Variants in BRF1 observed in about 807,000 individuals in gnomAD.
BRF1 encodes BRF1 general transcription factor IIIB subunit, also known as transcription factor IIIB 90 kDa subunit.
BRF1 carries 59 observed loss-of-function variants against 81.7 expected under a neutral mutation model. The observed-to-expected ratio is 0.72, with a 90% CI of 0.59 to 0.90. BRF1 has a LOEUF of 0.90. Among genes scored for constraint, BRF1 ranks in the 40% least tolerant of loss-of-function variants. BRF1 has a pLI of 0.00. For missense variants in BRF1, 1,050 were observed against 936.3 expected (o/e 1.12, Z -1.58); for synonymous variants, 491 against 395.6 (o/e 1.24, Z -2.86).
intron 15 of BRF1, among the ~76,000 whole-genome samples, chr14:105,216,787 G>A (rs1256993232): frequency 6.6e-6 from 1 of 152,246 alleles, no homozygotes; most frequent in East Asian, 1.9e-4. Flanking sequence ...AGAAGCAGTA[G>A]GACCAGCAGA....
chr14:105,293,053 C>G (rs765556507), intron 1 of BRF1, among the ~76,000 whole-genome samples: 1 of 152,226 alleles, frequency 6.6e-6, no homozygotes, highest in Non-Finnish European at 1.5e-5. Context: ...TTCCTAAGAG[C>G]AGGCACCTTC....
chr14:105,247,230 T>G, intron 5 of BRF1: 1 of 985,408 alleles, frequency 1.0e-6, no homozygotes, highest in Non-Finnish European at 1.2e-6. Flanking sequence ...CTTTCCGGAC[T>G]CTCATGCATA....
rs761579407 is a variant in BRF1, at chr14:105,286,398, G to C, written c.185-22C>G. 14 of 1,606,148 alleles carry C rather than the reference G, an allele frequency of 8.7e-6. No homozygotes were observed. In the Admixed American group the frequency reaches 2.2e-4, roughly 25 times the overall value. On this transcript the variant is annotated intron_variant, in intron 1 of 17. Coordinates refer to ENST00000547530, the MANE Select transcript of BRF1 (RefSeq NM_001519.4). ...GCACCTGGAAACACAAAAAAAGACA[G>C]ATCAGCCAAAACTTGGAGATCTGCA...
At chr14:105,260,906 G>A (rs2140343582) in intron 3 of BRF1, among the ~76,000 whole-genome samples, 1 of 152,298 alleles carries the variant, frequency 6.6e-6, no homozygotes, top group East Asian at 1.9e-4. Flanking sequence ...GCCAATCCCG[G>A]GAGGGCCTAC....
chr14:105,283,698 CTT>C (rs1745241758), intron 2 of BRF1, among the ~76,000 whole-genome samples: 1 of 152,250 alleles, frequency 6.6e-6, no homozygotes, highest in Admixed American at 6.5e-5. Flanking sequence ...CGACACTACT[CTT>C]TGCAATTTGT....
chr14:105,264,192 T>C (rs1157694183), intron 3 of BRF1, among the ~76,000 whole-genome samples: 3 of 151,530 alleles, frequency 2.0e-5, no homozygotes, highest in Non-Finnish European at 4.4e-5. Context: ...ATAAAAGGAG[T>C]CTTAGTGATG....
chr14:105,301,627 C>T (rs1595506469), upstream of BRF1, among the ~76,000 whole-genome samples: 1 of 152,370 alleles, frequency 6.6e-6, no homozygotes, highest in South Asian at 2.1e-4. Context: ...CGCCCAGGTT[C>T]CAGAGCCTCC....
rs587746480 is a variant in BRF1 at position 105,257,910 on chromosome 14, G to A, written c.440-1361C>T. ...GGGAAAGGCAGGGTGGGTGGGCCGA[G>A]AGGAGGGTTCCAGGACGCTGCAGCT... On this transcript the variant is annotated intron_variant, in intron 3 of 17. Transcript: ENST00000547530. Among the ~76,000 whole-genome samples, 27 of 152,274 alleles carry A rather than the reference G, an allele frequency of 1.8e-4. No individual in the cohort carries two copies. The South Asian group carries it at 5.0e-3, about 28-fold the overall frequency.
chr14:105,267,621 C>T (rs587752169), intron 3 of BRF1, among the ~76,000 whole-genome samples: 5 of 152,276 alleles, frequency 3.3e-5, no homozygotes, highest in African/African-American at 1.2e-4. Flanking sequence ...CCTGAAATGC[C>T]AACGTCTTCA....
chr14:105,301,485 C>A (rs1266434511), upstream of BRF1, among the ~76,000 whole-genome samples: 1 of 151,462 alleles, frequency 6.6e-6, no homozygotes, highest in Non-Finnish European at 1.5e-5. Flanking sequence ...GACCTGGGAC[C>A]CAACCCCGGG....
At chr14:105,265,054 G>GTTTTTTTTTTTT (rs587673120) in intron 3 of BRF1, among the ~76,000 whole-genome samples, 4 of 130,110 alleles carry the variant, frequency 3.1e-5, no homozygotes, top group Non-Finnish European at 3.3e-5. Flanking sequence ...CCTTTTTTTT[G>GTTTTTTTTTTTT]TTTTTTTTTT....
At chr14:105,252,071 C>T (rs2055646612) in intron 5 of BRF1, among the ~76,000 whole-genome samples, 1 of 152,110 alleles carries the variant, frequency 6.6e-6, no homozygotes, top group South Asian at 2.1e-4. Flanking sequence ...CAGGTGTGTC[C>T]CTTAAACCTT....
At position 105,210,576 on chromosome 14, in the gene BRF1, T is replaced by C. The variant is rs1475950756; in HGVS notation, c.2009A>G (p.Asp670Gly). The change falls in exon 18 of 18, where the codon GAT becomes GGT. Residue 670 changes from aspartate to glycine, a missense_variant. Asp to Gly is a moderately conservative substitution (Grantham distance 94). Transcript: ENST00000547530. This position sits in a 1 kb window ranked among gnomAD's most constrained non-coding sequence, Gnocchi z 4.7. ...TCAGTAGCCGTCGTCCTCATCGCCA[T>C]CACAGCCATAGTCTGCAGAAGAGCA... ...QMMGSNDYGC[D>G]GDEDDGY The C allele has an allele frequency of 2.5e-6, 4 of 1,611,558 alleles. No homozygotes were observed. Among genetic ancestry groups the C allele is most frequent in the Non-Finnish European group, 3.4e-6 (4 of 1,179,832 alleles).
At chr14:105,214,978 C>T (rs1237388835) in intron 15 of BRF1, among the ~76,000 whole-genome samples, 1 of 152,236 alleles carries the variant, frequency 6.6e-6, no homozygotes, top group Non-Finnish European at 1.5e-5. Context: ...CCCTGCCCCG[C>T]TGGAACTGCC....
rs888092661 is a variant in BRF1 at position 105,315,457 on chromosome 14, C to A, written c.-297G>T. 3.9e-5 allele frequency: 6 copies of A among 152,240 alleles called. No homozygotes were observed. Among genetic ancestry groups the A allele is most frequent in the African/African-American group, 1.2e-4 (5 of 41,466 alleles). 9.4% of individuals were successfully genotyped at this position (152,240 alleles called of 1,614,324 possible). ...CTGTCAGACCTCGGCCTGGGAGCGA[C>A]CCCCGGCGCACGGGGCGCGCAGGAC... is the stretch of plus-strand genomic sequence containing the variant. On this transcript the variant is annotated 5_prime_UTR_variant, in exon 1 of 18. Coordinates refer to the BRF1 transcript ENST00000327359. This position sits in a 1 kb window ranked among gnomAD's most constrained non-coding sequence, Gnocchi z 4.4.
chr14:105,221,913 G>C lies in BRF1; in HGVS notation c.1050C>G (p.Gly350=). The change falls in exon 11 of 18, where the codon GGC becomes GGG. Residue 350 remains glycine (G), a splice_region_variant and synonymous_variant. Transcript: ENST00000547530. ...AGCTGGACGCGGTGTCCTCGGTGGA[G>C]CCTAGGTGTACACAATCCACCTGTT... ...KGGLASLAKD[G]STEDTASSLC... 6.3e-7 allele frequency: 1 copy of C among 1,584,280 alleles called. No homozygotes were observed. The highest frequency in any genetic ancestry group is 8.6e-7 in the Non-Finnish European group (1 of 1,166,598).
In BRF1 at chr14:105,228,959, G is replaced by C. The variant is rs764665677; in HGVS notation, c.695-46C>G. 1.2e-5 allele frequency: 19 copies of C among 1,576,436 alleles called. No homozygotes were observed. In the South Asian group the frequency reaches 1.7e-4, roughly 14 times the overall value. On this transcript the variant is annotated intron_variant, in intron 6 of 17. Coordinates refer to ENST00000547530, the MANE Select transcript of BRF1 (RefSeq NM_001519.4). Reference sequence around the variant, plus strand: ...CCTCGTCAACCACGGCTGGGAACCAGGGCAACATCTGTGGCGGCCCAGGAC... The same window carrying C: ...CCTCGTCAACCACGGCTGGGAACCACGGCAACATCTGTGGCGGCCCAGGAC...
intron 3 of BRF1, among the ~76,000 whole-genome samples, chr14:105,261,661 C>A (rs1012389165): frequency 6.6e-6 from 1 of 152,248 alleles, no homozygotes; most frequent in African/African-American, 2.4e-5. Flanking sequence ...AATGCTCTTA[C>A]TGGATACCCA....
intron 2 of BRF1, among the ~76,000 whole-genome samples, chr14:105,283,661 A>C (rs1298728706): frequency 6.6e-5 from 10 of 152,200 alleles, no homozygotes; most frequent in Non-Finnish European, 1.5e-4. Context: ...TTGGTTTCCA[A>C]TCCTATTGCA....
Sources: gnomAD v4.1 joint callset for allele counts (sites outside exome capture counted in the v4.1 genomes callset) on GRCh38, gnomAD v4.1.1 for gene constraint, Gnocchi (gnomAD v3.1) non-coding constraint, MANE v1.5 for transcripts, NCBI Gene and HGNC (gene_info 2026-07-23, HGNC 2026-07-21) for gene names.